The following SERPINI2 variants were observed in gnomAD, a reference collection of about 807,000 sequenced individuals.
The protein encoded by SERPINI2 is serpin I2.
A neutral mutation model predicts 47.3 loss-of-function variants in SERPINI2; 48 were observed. That is an observed-to-expected ratio of 1.02 (90% CI 0.81 to 1.29). SERPINI2 has a LOEUF of 1.29. SERPINI2 is among the 50% of genes most tolerant of loss of function. SERPINI2 has a pLI of 0.00. For missense variants in SERPINI2, 448 were observed against 456.9 expected (o/e 0.98, Z 0.18); for synonymous variants, 135 against 149.3 (o/e 0.90, Z 0.70).
intron 5 of SERPINI2, among the ~76,000 whole-genome samples, chr3:167,461,878 C>T (rs912594640): frequency 8.1e-5 from 12 of 149,010 alleles, no homozygotes; most frequent in African/African-American, 2.0e-4. Context: ...CCTTGGCCCC[C>T]CAAAGTGCTG....
intron 5 of SERPINI2, among the ~76,000 whole-genome samples, chr3:167,459,949 G>A (rs1042049101): frequency 6.6e-6 from 1 of 152,124 alleles, no homozygotes; most frequent in Non-Finnish European, 1.5e-5. Context: ...GAAATAATTG[G>A]AGTGATTTAT....
At position 167,462,775 on chromosome 3, in the gene SERPINI2, C is replaced by T. The variant is rs148174368; in HGVS notation, c.866+2431G>A. 3.8e-3 allele frequency among the ~76,000 whole-genome samples: 579 copies of T among 152,130 alleles called. 2 individuals carry two copies. Among genetic ancestry groups the T allele is most frequent in the Non-Finnish European group, 7.1e-3 (480 of 68,004 alleles). On this transcript the variant is annotated intron_variant, in intron 5 of 8. Transcript: ENST00000264677. ...GATGCTGATAACAAGGCCAAACGTTCAAAGTTGTCTACACTGTGGGAATAG... is the reference window on the plus strand; with the variant it reads ...GATGCTGATAACAAGGCCAAACGTTTAAAGTTGTCTACACTGTGGGAATAG...
At chr3:167,449,716 C>G (rs1048776785) in intron 6 of SERPINI2, among the ~76,000 whole-genome samples, 1 of 152,132 alleles carries the variant, frequency 6.6e-6, no homozygotes, top group Non-Finnish European at 1.5e-5. Flanking sequence ...TGGTCCCGAA[C>G]TCCTGACCTC....
intron 1 of SERPINI2, among the ~76,000 whole-genome samples, chr3:167,472,957 A>T (rs1403266193): frequency 1.3e-5 from 2 of 151,756 alleles, no homozygotes; most frequent in East Asian, 3.8e-4. Context: ...AGGGGTAAAG[A>T]TGAAAGCCTT....
chr3:167,467,551 A>G (rs769061562), intron 2 of SERPINI2, among the ~76,000 whole-genome samples: 2 of 152,178 alleles, frequency 1.3e-5, no homozygotes, highest in African/African-American at 2.4e-5. Context: ...CATTTATAGA[A>G]GCTGAAGGAA....
At chr3:167,465,129 T>G in intron 5 of SERPINI2, 77 bp downstream of exon 5, 1 of 1,256,906 alleles carries the variant, frequency 8.0e-7, no homozygotes, top group Non-Finnish European at 1.1e-6. Flanking sequence ...CAAGTATTTG[T>G]TACCTTTCAG....
At chr3:167,467,071 T>C (rs1038315308) in exon 3 of SERPINI2, 48 of 1,602,374 alleles carry the variant, frequency 3.0e-5, no homozygotes, top group Non-Finnish European at 3.6e-5. Context: ...TTTTTCTTTC[T>C]ACCCAGGTAC....
intron 1 of SERPINI2, among the ~76,000 whole-genome samples, chr3:167,472,837 TC>T (rs1441956730): frequency 6.6e-6 from 1 of 151,830 alleles, no homozygotes; most frequent in Non-Finnish European, 1.5e-5. Context: ...GAATGTTGAC[TC>T]CAAGGCCTCA....
At chr3:167,467,234 T>A in exon 3 of SERPINI2, 1 of 1,612,966 alleles carries the variant, frequency 6.2e-7, no homozygotes, top group Non-Finnish European at 8.5e-7. Flanking sequence ...AAATTCTTGT[T>A]TTTTCTCTGA....
At chr3:167,451,349 A>G (rs1159144920) in intron 6 of SERPINI2, among the ~76,000 whole-genome samples, 1 of 152,254 alleles carries the variant, frequency 6.6e-6, no homozygotes. Context: ...TGTGAACTAT[A>G]TAAATATAAG....
At chr3:167,466,083 T>G (rs750381286) in intron 3 of SERPINI2, among the ~76,000 whole-genome samples, 1 of 152,224 alleles carries the variant, frequency 6.6e-6, no homozygotes, top group South Asian at 2.1e-4. Flanking sequence ...CTTGCCATTC[T>G]GACAGCTGTG....
At chr3:167,475,233 G>C (rs1750451643), upstream of SERPINI2, among the ~76,000 whole-genome samples, 1 of 151,758 alleles carries the variant, frequency 6.6e-6, no homozygotes, top group Non-Finnish European at 1.5e-5. Context: ...TTTCCAAAAA[G>C]AGTTGTGCAA....
At chr3:167,442,515 A>G (rs1297585526) in intron 8 of SERPINI2, among the ~76,000 whole-genome samples, 1 of 152,226 alleles carries the variant, frequency 6.6e-6, no homozygotes, top group Non-Finnish European at 1.5e-5. Context: ...AGAACATAGC[A>G]TAATAAAACG....
intron 3 of SERPINI2, among the ~76,000 whole-genome samples, chr3:167,466,825 G>C (rs1750146439): frequency 6.6e-6 from 1 of 151,748 alleles, no homozygotes; most frequent in African/African-American, 2.4e-5. Context: ...CTATAAGCAG[G>C]TATCTCTCAA....
intron 6 of SERPINI2, among the ~76,000 whole-genome samples, chr3:167,450,344 G>T (rs1577168692): frequency 6.6e-6 from 1 of 152,122 alleles, no homozygotes; most frequent in Non-Finnish European, 1.5e-5. Context: ...TGGTGGAACT[G>T]ATGTATATGT....
chr3:167,473,216 C>T (rs893692769), intron 1 of SERPINI2, among the ~76,000 whole-genome samples: 1 of 151,548 alleles, frequency 6.6e-6, no homozygotes, highest in African/African-American at 2.4e-5. Flanking sequence ...CAATCCAAAG[C>T]AATTGTTAGA....
chr3:167,472,437 A>G (rs1750357956), intron 1 of SERPINI2, among the ~76,000 whole-genome samples: 1 of 152,006 alleles, frequency 6.6e-6, no homozygotes, highest in Non-Finnish European at 1.5e-5. Context: ...GACAAATACA[A>G]TGCAGAAAAC....
rs528071345 is a variant in SERPINI2 at position 167,443,343 on chromosome 3, G to A, written c.1142-1158C>T. 3.7e-4 allele frequency among the ~76,000 whole-genome samples: 57 copies of A among 152,284 alleles called. No homozygotes were observed. In the South Asian group the frequency reaches 7.3e-3, roughly 19 times the overall value. ...GGGATGGTCTCGATCTCCTGACCTC[G>A]TGATCCTCCCGCCTCAGCCTCCCAA... On this transcript the variant is annotated intron_variant, in intron 8 of 8. Transcript: ENST00000264677.
upstream of SERPINI2, among the ~76,000 whole-genome samples, chr3:167,476,733 C>A (rs1348106898): frequency 6.6e-6 from 1 of 151,986 alleles, no homozygotes; most frequent in Non-Finnish European, 1.5e-5. Context: ...TTTTATATAG[C>A]TTCACTTCAG....
Sources: allele counts gnomAD v4.1 joint callset (sites outside exome capture counted in the v4.1 genomes callset), GRCh38; gene constraint gnomAD v4.1.1; transcripts MANE v1.5; gene names NCBI Gene and HGNC (gene_info 2026-07-23, HGNC 2026-07-21).